Variants in RARB observed in about 807,000 individuals in gnomAD.
RARB encodes HBV-activated protein.
A neutral mutation model predicts 51.9 loss-of-function variants in RARB; 17 were observed. The observed-to-expected ratio is 0.33, with a 90% CI of 0.22 to 0.49. The LOEUF (loss-of-function observed/expected upper bound fraction) is 0.49, where lower values mean the gene tolerates loss of function less well. Among genes scored for constraint, RARB ranks in the 20% least tolerant of loss-of-function variants. RARB has a pLI of 0.99. For synonymous variants in RARB, 215 were observed against 195.4 expected, an observed-to-expected ratio of 1.10 and a Z score of -0.84; for missense variants, 369 against 550.8, an observed-to-expected ratio of 0.67 and a Z score of 3.30.
chr3:25,280,465 A>G (rs1364511981), intron 5 of RARB, among the ~76,000 whole-genome samples: 1 of 152,164 alleles, frequency 6.6e-6, no homozygotes, highest in Non-Finnish European at 1.5e-5. Context: ...GAAGAGCTGA[A>G]ACGCTGAGTG....
intron 2 of RARB, among the ~76,000 whole-genome samples, chr3:24,986,760 C>T (rs1696801947): frequency 6.6e-6 from 1 of 152,096 alleles, no homozygotes; most frequent in African/African-American, 2.4e-5. Flanking sequence ...ACTGTAATTT[C>T]ACTGGAAATC....
At chr3:24,833,990 T>A (rs115070789) in intron 1 of RARB, among the ~76,000 whole-genome samples, 2,808 of 152,368 alleles carry the variant, frequency 0.018, 36 homozygotes, top group Non-Finnish European at 0.032. Context: ...GTGTGACTAG[T>A]ATCACTATTT....
At chr3:24,840,382 T>C (rs1399136369) in intron 1 of RARB, among the ~76,000 whole-genome samples, 1 of 152,020 alleles carries the variant, frequency 6.6e-6, no homozygotes, top group Non-Finnish European at 1.5e-5. Context: ...CTCCATTGCT[T>C]CTCTGTCTAT....
chr3:24,940,594 G>A (rs1695643589), intron 2 of RARB, among the ~76,000 whole-genome samples: 1 of 152,072 alleles, frequency 6.6e-6, no homozygotes, highest in African/African-American at 2.4e-5. Context: ...CTCTATGGCA[G>A]TACTCCCCAG....
At chr3:25,208,365 T>C (rs765828545) in intron 5 of RARB, among the ~76,000 whole-genome samples, 8 of 152,236 alleles carry the variant, frequency 5.3e-5, no homozygotes, top group Non-Finnish European at 1.0e-4. Flanking sequence ...CTCATCCACT[T>C]ATAGACAGTA....
chr3:24,954,951 A>C (rs1695977911), intron 2 of RARB, among the ~76,000 whole-genome samples: 1 of 152,110 alleles, frequency 6.6e-6, no homozygotes. Context: ...GGTGTGTTAC[A>C]GATAATGCTC....
chr3:24,927,859 C>A (rs1012175203), intron 2 of RARB, among the ~76,000 whole-genome samples: 5 of 152,032 alleles, frequency 3.3e-5, no homozygotes, highest in African/African-American at 1.2e-4. Flanking sequence ...CTAATGCCAG[C>A]TTGGCAGAGA....
At chr3:25,377,525 C>G (rs924678818) in intron 5 of RARB, among the ~76,000 whole-genome samples, 3 of 152,068 alleles carry the variant, frequency 2.0e-5, no homozygotes, top group Non-Finnish European at 4.4e-5. Flanking sequence ...TTTTCTTAAC[C>G]AGATAAAAAT....
At chr3:25,228,864 G>A (rs1702115244) in intron 5 of RARB, among the ~76,000 whole-genome samples, 1 of 152,144 alleles carries the variant, frequency 6.6e-6, no homozygotes, top group South Asian at 2.1e-4. Context: ...AATCTTTGAA[G>A]TAGTCCTTGG....
intron 2 of RARB, among the ~76,000 whole-genome samples, chr3:25,499,213 C>T (rs527246635): frequency 6.6e-6 from 1 of 152,308 alleles, no homozygotes; most frequent in African/African-American, 2.4e-5. Context: ...GTTCTTAGCT[C>T]TGGCTCCTGC....
chr3:25,078,159 C>T (rs986212576), intron 3 of RARB, among the ~76,000 whole-genome samples: 1 of 151,938 alleles, frequency 6.6e-6, no homozygotes, highest in Non-Finnish European at 1.5e-5. Flanking sequence ...ATTTATTAAT[C>T]TTAACTGGTT....
chr3:24,878,175 CAA>C (rs1261350943), intron 2 of RARB, among the ~76,000 whole-genome samples: 2 of 150,610 alleles, frequency 1.3e-5, no homozygotes, highest in African/African-American at 4.9e-5. Context: ...CTTTTGTCCT[CAA>C]GTCTCTTTTG....
intron 5 of RARB, among the ~76,000 whole-genome samples, chr3:25,319,517 C>T (rs1704510950): frequency 1.3e-5 from 2 of 152,140 alleles, no homozygotes; most frequent in Non-Finnish European, 2.9e-5. Flanking sequence ...CATCTCTTAG[C>T]CCAGACAATC....
intron 2 of RARB, among the ~76,000 whole-genome samples, chr3:24,982,498 A>AT (rs138131034): frequency 0.011 from 1,651 of 152,288 alleles, 25 homozygotes; most frequent in East Asian, 0.085. Context: ...GTGGAGTAGA[A>AT]TGGGGTAGTC....
rs75553470 is a variant in RARB at position 25,188,596 on chromosome 3, C to T, written c.178+14021C>T. ...GTTATTCTGTCAGCTTCTTTGAAAG[C>T]GGTATCATCTGATATCCATGTACTC... On this transcript the variant is annotated intron_variant, in intron 5 of 11. Coordinates refer to the RARB transcript ENST00000383772. Among the ~76,000 whole-genome samples the T allele has an allele frequency of 6.5e-3, 996 of 152,168 alleles. 9 individuals carry two copies. Among genetic ancestry groups the T allele is most frequent in the African/African-American group, 0.022 (901 of 41,522 alleles).
intron 3 of RARB, among the ~76,000 whole-genome samples, chr3:25,569,306 A>G (rs1228923558): frequency 6.6e-6 from 1 of 152,260 alleles, no homozygotes; most frequent in Admixed American, 6.5e-5. Context: ...AGAAAACTAA[A>G]AAGCAAAGAC....
Position 25,366,914 on chromosome 3 carries a change from A to AT in RARB, c.179-94270dup, listed in dbSNP as rs947931889. Among the ~76,000 whole-genome samples, 41 of 151,260 alleles carry AT rather than the reference A, an allele frequency of 2.7e-4. 1 individual carries two copies. Among genetic ancestry groups the AT allele is most frequent in the South Asian group, 8.4e-4 (4 of 4,764 alleles). On this transcript the variant is annotated intron_variant, in intron 5 of 11. Transcript: ENST00000383772. ...CATATTGTTAGGCCCAAATTTAACCATTTTTTTTTCTTGTGACAGAATCCT... is the reference window on the plus strand; with the variant it reads ...CATATTGTTAGGCCCAAATTTAACCATTTTTTTTTTCTTGTGACAGAATCCT...
At chr3:25,182,548 C>A (rs1013112173) in intron 5 of RARB, among the ~76,000 whole-genome samples, 1 of 152,140 alleles carries the variant, frequency 6.6e-6, no homozygotes, top group African/African-American at 2.4e-5. Flanking sequence ...AATGAATTCA[C>A]TCTTCTGATA....
At chr3:25,319,058 AT>A (rs879443590) in intron 5 of RARB, among the ~76,000 whole-genome samples, 1 of 152,150 alleles carries the variant, frequency 6.6e-6, no homozygotes, top group Non-Finnish European at 1.5e-5. Context: ...ATTAAAGATG[AT>A]TTTCAATAAT....
Sources: allele counts gnomAD v4.1 joint callset (sites outside exome capture counted in the v4.1 genomes callset), GRCh38; gene constraint gnomAD v4.1.1; transcripts MANE v1.5; gene names NCBI Gene and HGNC (gene_info 2026-07-23, HGNC 2026-07-21).